GSG1L: variants seen among roughly 807,000 people sequenced by gnomAD.
The protein encoded by GSG1L is germ cell-specific gene 1-like protein.
In GSG1L, 24 loss-of-function variants were observed where a neutral mutation model predicts 42.1. That is an observed-to-expected ratio of 0.57 (90% CI 0.41 to 0.80). GSG1L has a LOEUF of 0.80. Among genes scored for constraint, GSG1L ranks in the 30% least tolerant of loss-of-function variants. The pLI is 0.00. For missense variants in GSG1L, 445 were observed against 472.2 expected (o/e 0.94, Z 0.53); for synonymous variants, 215 against 203.5 (o/e 1.06, Z -0.48).
chr16:27,824,084 T>C (rs1445810813), intron 5 of GSG1L, among the ~76,000 whole-genome samples: 1 of 152,226 alleles, frequency 6.6e-6, no homozygotes, highest in Non-Finnish European at 1.5e-5. Context: ...AAGCTGGTCA[T>C]GACCAAGCTC....
At chr16:27,913,434 T>C (rs2084414483) in intron 2 of GSG1L, among the ~76,000 whole-genome samples, 2 of 152,218 alleles carry the variant, frequency 1.3e-5, no homozygotes, top group South Asian at 4.1e-4. Flanking sequence ...TTCTTATTAA[T>C]GGTATTTTGA....
intron 1 of GSG1L, among the ~76,000 whole-genome samples, chr16:28,008,537 C>G (rs1375927700): frequency 6.6e-6 from 1 of 152,220 alleles, no homozygotes; most frequent in African/African-American, 2.4e-5. Flanking sequence ...TTGCAGCAGC[C>G]TCCTCATGGC....
At chr16:27,957,620 T>A (rs2085021437) in intron 2 of GSG1L, among the ~76,000 whole-genome samples, 3 of 152,206 alleles carry the variant, frequency 2.0e-5, no homozygotes. Context: ...CACAAGTCAC[T>A]GTTATTCAGC....
chr16:27,904,848 A>T (rs2084301915), intron 2 of GSG1L, among the ~76,000 whole-genome samples: 1 of 152,230 alleles, frequency 6.6e-6, no homozygotes, highest in Admixed American at 6.5e-5. Context: ...CAAGAAAAGC[A>T]CAGAAAGTCA....
At chr16:28,006,788 C>G (rs150101376) in intron 1 of GSG1L, among the ~76,000 whole-genome samples, 61 of 152,280 alleles carry the variant, frequency 4.0e-4, no homozygotes, top group Admixed American at 1.8e-3. Flanking sequence ...TCTGGTCAAC[C>G]AAGCCCTCCG....
chr16:28,004,946 C>T (rs370254668), intron 1 of GSG1L, among the ~76,000 whole-genome samples: 76 of 152,248 alleles, frequency 5.0e-4, no homozygotes, highest in African/African-American at 1.8e-3. Context: ...CAACTAATGA[C>T]AAGTTACACT....
chr16:27,929,215 G>A (rs1256804763), intron 2 of GSG1L, among the ~76,000 whole-genome samples: 1 of 152,206 alleles, frequency 6.6e-6, no homozygotes, highest in East Asian at 1.9e-4. Flanking sequence ...AGTGTGTGGT[G>A]TGGACTCACC....
At chr16:27,821,964 C>T (rs1236015336) in intron 5 of GSG1L, among the ~76,000 whole-genome samples, 1 of 151,818 alleles carries the variant, frequency 6.6e-6, no homozygotes. Flanking sequence ...GCAAGCTAAA[C>T]AAAACACATC....
chr16:28,041,688 A>G (rs1363218837), intron 1 of GSG1L, among the ~76,000 whole-genome samples: 1 of 152,154 alleles, frequency 6.6e-6, no homozygotes, highest in African/African-American at 2.4e-5. Flanking sequence ...GCATTTACTC[A>G]AAAATAGAGC....
At chr16:27,954,298 C>A (rs1208287566) in intron 2 of GSG1L, among the ~76,000 whole-genome samples, 15 of 152,106 alleles carry the variant, frequency 9.9e-5, no homozygotes, top group Non-Finnish European at 1.5e-5. Context: ...AAAAAGATGG[C>A]AGCAACATTT....
chr16:27,860,289 C>A (rs1421721953), intron 3 of GSG1L, among the ~76,000 whole-genome samples: 2 of 152,220 alleles, frequency 1.3e-5, no homozygotes, highest in Non-Finnish European at 2.9e-5. Context: ...AGGCTCAGCC[C>A]TGCCCTCGTC....
At chr16:27,808,369 G>A (rs919301834) in intron 5 of GSG1L, among the ~76,000 whole-genome samples, 1 of 151,958 alleles carries the variant, frequency 6.6e-6, no homozygotes, top group Non-Finnish European at 1.5e-5. Flanking sequence ...TTATAGGCAT[G>A]AGCCACTGTG....
intron 5 of GSG1L, among the ~76,000 whole-genome samples, chr16:27,813,192 G>A (rs781676616): frequency 3.3e-5 from 5 of 152,190 alleles, no homozygotes; most frequent in Non-Finnish European, 5.9e-5. Context: ...TTGTCACCCA[G>A]GTAATGAGCA....
rs529874638 is a variant in GSG1L, at chr16:27,986,083, T to C, written c.350-22880A>G. On this transcript the variant is annotated intron_variant, in intron 1 of 6. Transcript: ENST00000447459. ...TTAGTACTATGACAGAATATGACCT[T>C]TGCGTGTGCCATGGCTGACAAGTCA... 3.9e-5 allele frequency among the ~76,000 whole-genome samples: 6 copies of C among 152,278 alleles called. No homozygotes were observed. The East Asian group carries it at 1.2e-3, about 29-fold the overall frequency.
intron 5 of GSG1L, among the ~76,000 whole-genome samples, chr16:27,812,555 G>A (rs2083044763): frequency 6.6e-6 from 1 of 152,150 alleles, no homozygotes; most frequent in Non-Finnish European, 1.5e-5. Flanking sequence ...TTAATGCCTG[G>A]TCAAGCCCAG....
intron 1 of GSG1L, among the ~76,000 whole-genome samples, chr16:28,020,193 A>G (rs1486070344): frequency 6.6e-6 from 1 of 152,116 alleles, no homozygotes. Flanking sequence ...GGCATTGGCG[A>G]CTCAGTCCAC....
chr16:27,946,593 G>A (rs866435521), intron 2 of GSG1L, among the ~76,000 whole-genome samples: 149 of 12,668 alleles, frequency 0.012, no homozygotes, highest in Middle Eastern at 0.036. Context: ...GAGAGAGAGA[G>A]AGAGAGAGAG....
intron 1 of GSG1L, among the ~76,000 whole-genome samples, chr16:28,039,298 G>A (rs1043946222): frequency 6.6e-6 from 1 of 152,164 alleles, no homozygotes; most frequent in African/African-American, 2.4e-5. Flanking sequence ...CCCCTATGAA[G>A]GTTTCATGTT....
At chr16:28,012,205 C>T (rs1167683330) in intron 1 of GSG1L, among the ~76,000 whole-genome samples, 3 of 152,186 alleles carry the variant, frequency 2.0e-5, no homozygotes, top group Non-Finnish European at 4.4e-5. Context: ...AGCCACCCCT[C>T]CCCTAGGCTG....
Sources: gnomAD v4.1 joint callset for allele counts (sites outside exome capture counted in the v4.1 genomes callset) on GRCh38, gnomAD v4.1.1 for gene constraint, MANE v1.5 for transcripts, NCBI Gene and HGNC (gene_info 2026-07-23, HGNC 2026-07-21) for gene names.